The following ZHX2 variants were observed in gnomAD, a reference collection of about 807,000 sequenced individuals.
The protein encoded by ZHX2 is zinc fingers and homeoboxes 2.
A neutral mutation model predicts 21.9 loss-of-function variants in ZHX2; 6 were observed. The observed-to-expected ratio is 0.27, with a 90% CI of 0.15 to 0.54. The LOEUF is 0.54. Among genes scored for constraint, ZHX2 ranks in the 20% least tolerant of loss-of-function variants. ZHX2 has a pLI of 0.95. For synonymous variants in ZHX2, 434 were observed against 437.1 expected (o/e 0.99, Z 0.09); for missense variants, 908 against 1,090.7 (o/e 0.83, Z 2.36).
At chr8:122,907,314 G>C (rs183039549) in intron 2 of ZHX2, among the ~76,000 whole-genome samples, 1 of 152,138 alleles carries the variant, frequency 6.6e-6, no homozygotes, top group African/African-American at 2.4e-5. Flanking sequence ...ACATTGGTTC[G>C]GTCTAGAAAG....
intron 2 of ZHX2, among the ~76,000 whole-genome samples, chr8:122,867,747 C>T (rs571004399): frequency 3.3e-5 from 5 of 152,260 alleles, no homozygotes; most frequent in South Asian, 4.1e-4. Context: ...GTGGAAGAGA[C>T]GTAGCGTGCA....
intron 2 of ZHX2, among the ~76,000 whole-genome samples, chr8:122,934,815 AG>A (rs1409857498): frequency 2.0e-5 from 3 of 152,028 alleles, no homozygotes; most frequent in Non-Finnish European, 4.4e-5. Flanking sequence ...CAGCCTCCCA[AG>A]TACCTGGGAT....
chr8:122,948,510 T>C (rs1813032163), intron 2 of ZHX2, among the ~76,000 whole-genome samples: 1 of 152,158 alleles, frequency 6.6e-6, no homozygotes, highest in Non-Finnish European at 1.5e-5. Flanking sequence ...GACTAGATTA[T>C]CAAAATAACC....
At chr8:122,834,730 G>A (rs1818458680) in intron 1 of ZHX2, among the ~76,000 whole-genome samples, 1 of 152,216 alleles carries the variant, frequency 6.6e-6, no homozygotes, top group Non-Finnish European at 1.5e-5. Flanking sequence ...TTCCTTCTGG[G>A]CTAGCTGGGT....
chr8:122,930,930 G>C (rs1820974687), intron 2 of ZHX2, among the ~76,000 whole-genome samples: 1 of 149,896 alleles, frequency 6.7e-6, no homozygotes, highest in South Asian at 2.2e-4. Context: ...AGGTCAACCA[G>C]AACCATCCCT....
chr8:122,858,103 C>T lies in ZHX2; in HGVS notation c.-282-5374C>T, dbSNP rs149694277. 5.2e-3 allele frequency among the ~76,000 whole-genome samples: 786 copies of T among 152,308 alleles called. 2 individuals carry two copies. Among genetic ancestry groups the T allele is most frequent in the Middle Eastern group, 0.01 (3 of 294 alleles). On this transcript the variant is annotated intron_variant, in intron 1 of 3. Coordinates refer to ENST00000314393, the MANE Select transcript of ZHX2 (RefSeq NM_014943.5). ...GGCCGAGCTCGGGCCCCACGGAAGC[C>T]GCTTGTAGCTTTCCACCTTTTTTGA... is the stretch of plus-strand genomic sequence containing the variant.
chr8:122,967,740 A>G (rs1041711692), intron 3 of ZHX2, among the ~76,000 whole-genome samples: 2 of 152,172 alleles, frequency 1.3e-5, no homozygotes, highest in Non-Finnish European at 1.5e-5. Flanking sequence ...TTGTTCTGTT[A>G]TGAGTTGCTG....
At chr8:122,790,635 TCTCA>T (rs1426510843) in intron 1 of ZHX2, among the ~76,000 whole-genome samples, 7 of 152,176 alleles carry the variant, frequency 4.6e-5, no homozygotes, top group East Asian at 1.9e-4. Flanking sequence ...TGAGATGGAG[TCTCA>T]CTCTGTTGCC....
intron 2 of ZHX2, among the ~76,000 whole-genome samples, chr8:122,913,619 A>G (rs1452925619): frequency 1.3e-5 from 2 of 152,200 alleles, no homozygotes; most frequent in African/African-American, 2.4e-5. Flanking sequence ...TCCTCATGAC[A>G]GGGACAGGCA....
chr8:122,931,257 T>C (rs1048430544), intron 2 of ZHX2, among the ~76,000 whole-genome samples: 10 of 152,164 alleles, frequency 6.6e-5, no homozygotes, highest in African/African-American at 2.4e-4. Flanking sequence ...GCCACGAGTA[T>C]TATGCAGGGC....
intron 1 of ZHX2, among the ~76,000 whole-genome samples, chr8:122,853,261 T>G (rs1379062276): frequency 1.3e-5 from 2 of 152,122 alleles, no homozygotes; most frequent in Non-Finnish European, 2.9e-5. Flanking sequence ...GTGCCAGGAA[T>G]TTTTCTGGGG....
At chr8:122,807,254 A>T (rs920246273) in intron 1 of ZHX2, among the ~76,000 whole-genome samples, 12 of 152,274 alleles carry the variant, frequency 7.9e-5, no homozygotes, top group Non-Finnish European at 1.0e-4. Context: ...GCCCTGAATA[A>T]TGTATTTATT....
chr8:122,953,146 G>C lies in ZHX2; in HGVS notation c.1636G>C (p.Asp546His). ...ACAGGGTCAGGTTAAAATCTTGGAA[G>C]ACAGCTTTTTGAAAAGTTCTTTTCC... ...KTQGQVKILE[D>H]SFLKSSFPTQ... is the part of the protein sequence containing the mutation. The change falls in exon 3 of 4, where the codon GAC (aspartate) becomes CAC (histidine). Residue 546 changes from aspartate to histidine, a missense_variant. Asp to His is a moderately conservative substitution (Grantham distance 81). Coordinates refer to ENST00000314393, the MANE Select transcript of ZHX2 (RefSeq NM_014943.5). This position sits in a 1 kb window ranked among gnomAD's most constrained non-coding sequence, Gnocchi z 4.6. 1.2e-6 allele frequency: 2 copies of C among 1,613,846 alleles called. No individual in the cohort carries two copies. Among genetic ancestry groups the C allele is most frequent in the South Asian group, 2.2e-5 (2 of 91,072 alleles).
intron 1 of ZHX2, among the ~76,000 whole-genome samples, chr8:122,851,595 C>G (rs1179495179): frequency 1.3e-5 from 2 of 152,232 alleles, no homozygotes; most frequent in Non-Finnish European, 1.5e-5. Context: ...TGTTTTGATT[C>G]CTCCAGGATC....
chr8:122,953,496 G>C lies in ZHX2; in HGVS notation c.1986G>C (p.Ala662=). The change falls in exon 3 of 4, where the codon GCG becomes GCC. Residue 662 remains alanine, a synonymous_variant. Transcript: ENST00000314393. The surrounding 1 kb of genome is among the most constrained non-coding windows in gnomAD (Gnocchi z 4.6). ...CTCCCCAGGAGTACGACCAGTTAGC[G>C]GCCAAGACTGGCCTGGTCCGAACTG... The part of the protein sequence containing the change: ...WPTPQEYDQL[A]AKTGLVRTEI... 1 of 1,614,204 alleles carries C rather than the reference G, an allele frequency of 6.2e-7. No individual in the cohort carries two copies. The highest frequency in any genetic ancestry group is 8.5e-7 in the Non-Finnish European group (1 of 1,180,040).
At chr8:122,903,117 C>T (rs1490485236) in intron 2 of ZHX2, among the ~76,000 whole-genome samples, 1 of 152,236 alleles carries the variant, frequency 6.6e-6, no homozygotes, top group Admixed American at 6.5e-5. Flanking sequence ...CTCTTCTAAA[C>T]TTATTCCTTT....
At chr8:122,895,415 G>A (rs1018664794) in intron 2 of ZHX2, among the ~76,000 whole-genome samples, 7 of 152,224 alleles carry the variant, frequency 4.6e-5, no homozygotes, top group Non-Finnish European at 1.0e-4. Flanking sequence ...CAGGAAGAAC[G>A]TGTGACCACT....
chr8:122,819,980 G>T (rs1390207365), intron 1 of ZHX2, among the ~76,000 whole-genome samples: 3 of 152,142 alleles, frequency 2.0e-5, no homozygotes, highest in African/African-American at 7.2e-5. Flanking sequence ...CTAGCTAAAG[G>T]CGTCCATAAA....
intron 1 of ZHX2, among the ~76,000 whole-genome samples, chr8:122,825,883 C>G (rs1369492231): frequency 6.6e-6 from 1 of 152,160 alleles, no homozygotes; most frequent in African/African-American, 2.4e-5. Context: ...GCCATAAATT[C>G]CCCTCTCCCC....
Sources: gnomAD v4.1 joint callset for allele counts (sites outside exome capture counted in the v4.1 genomes callset) on GRCh38, gnomAD v4.1.1 for gene constraint, Gnocchi (gnomAD v3.1) non-coding constraint, MANE v1.5 for transcripts, NCBI Gene and HGNC (gene_info 2026-07-23, HGNC 2026-07-21) for gene names.